The following MAP4K3 variants were observed in gnomAD, a reference collection of about 807,000 sequenced individuals.
MAP4K3 encodes the protein MAPK/ERK kinase kinase kinase 3.
A neutral mutation model predicts 143.5 loss-of-function variants in MAP4K3; 94 were observed. That is an observed-to-expected ratio of 0.65 (90% CI 0.55 to 0.78). MAP4K3 has a LOEUF of 0.78. Ranked by LOEUF, MAP4K3 falls within the 30% of genes least tolerant of loss-of-function variation. The pLI is 0.00. For synonymous variants in MAP4K3, 416 were observed against 347.2 expected (o/e 1.20, Z -2.20); for missense variants, 1,077 against 1,068.1 (o/e 1.01, Z -0.12).
chr2:39,277,202 C>T (rs941398826), intron 24 of MAP4K3, among the ~76,000 whole-genome samples: 3 of 152,206 alleles, frequency 2.0e-5, no homozygotes, highest in African/African-American at 4.8e-5. Context: ...CTTCTGCCTG[C>T]CTACCCAGCT....
chr2:39,345,403 C>T (rs937210662), intron 3 of MAP4K3, among the ~76,000 whole-genome samples: 1 of 151,940 alleles, frequency 6.6e-6, no homozygotes, highest in Admixed American at 6.6e-5. Context: ...GGTGACAGAC[C>T]GAGATCTGAA....
chr2:39,348,336 T>C (rs115753732), intron 3 of MAP4K3, among the ~76,000 whole-genome samples: 2 of 152,032 alleles, frequency 1.3e-5, no homozygotes, highest in African/African-American at 2.4e-5. Context: ...TTCCAGCTTA[T>C]AGGCAGAAAA....
At chr2:39,341,639 G>C (rs1040082240) in intron 4 of MAP4K3, among the ~76,000 whole-genome samples, 3 of 150,296 alleles carry the variant, frequency 2.0e-5, no homozygotes, top group South Asian at 2.1e-4. Context: ...CTGCGCGACA[G>C]AGCAAGACTC....
chr2:39,378,881 A>G lies in MAP4K3; in HGVS notation c.97-758T>C, dbSNP rs1666289878. Among the ~76,000 whole-genome samples, 6 of 151,620 alleles carry G rather than the reference A, an allele frequency of 4.0e-5. No individual in the cohort carries two copies. The South Asian group carries it at 1.2e-3, about 31-fold the overall frequency. On this transcript the variant is annotated intron_variant, in intron 1 of 33. Coordinates refer to ENST00000263881, the MANE Select transcript of MAP4K3 (RefSeq NM_003618.4). ...ATATTATGTGTATTTATGTGTACAT[A>G]TAACAATATATATTATATATAATAC...
intron 18 of MAP4K3, among the ~76,000 whole-genome samples, chr2:39,290,945 G>A (rs1369569268): frequency 6.6e-6 from 1 of 152,124 alleles, no homozygotes; most frequent in Non-Finnish European, 1.5e-5. Flanking sequence ...CAGGTGTGGT[G>A]GCGGGTGCCT....
At chr2:39,410,763 A>G (rs536236256) in intron 1 of MAP4K3, among the ~76,000 whole-genome samples, 4 of 152,220 alleles carry the variant, frequency 2.6e-5, no homozygotes, top group Admixed American at 6.5e-5. Context: ...TCAAAAATGT[A>G]ATTTTCACTA....
chr2:39,404,053 T>TG (rs1414106281), intron 1 of MAP4K3, among the ~76,000 whole-genome samples: 2 of 151,910 alleles, frequency 1.3e-5, no homozygotes, highest in Non-Finnish European at 2.9e-5. Context: ...AAAGAGCCCT[T>TG]GGGCCCTGAA....
intron 1 of MAP4K3, among the ~76,000 whole-genome samples, chr2:39,406,650 A>G (rs1558338644): frequency 6.6e-6 from 1 of 152,230 alleles, no homozygotes; most frequent in Non-Finnish European, 1.5e-5. Flanking sequence ...GACATGAAGT[A>G]GAAATCAAGA....
chr2:39,395,831 G>A (rs994619165), intron 1 of MAP4K3, among the ~76,000 whole-genome samples: 6 of 152,098 alleles, frequency 3.9e-5, no homozygotes, highest in Admixed American at 2.6e-4. Context: ...AGGAGGGGGA[G>A]AAACTGAGAT....
chr2:39,399,174 GTA>G (rs750523510), intron 1 of MAP4K3, among the ~76,000 whole-genome samples: 8 of 151,806 alleles, frequency 5.3e-5, no homozygotes, highest in Non-Finnish European at 1.0e-4. Context: ...CTTTGAAAAC[GTA>G]TGTTGTACTA....
intron 1 of MAP4K3, among the ~76,000 whole-genome samples, chr2:39,420,393 T>A (rs1667512620): frequency 6.6e-6 from 1 of 152,214 alleles, no homozygotes; most frequent in African/African-American, 2.4e-5. Flanking sequence ...ACTGAAGTCA[T>A]GAATCATGAA....
chr2:39,351,408 T>C (rs527728192), intron 3 of MAP4K3, among the ~76,000 whole-genome samples: 24 of 152,378 alleles, frequency 1.6e-4, no homozygotes, highest in Middle Eastern at 3.4e-3. Context: ...TTAGCACTTC[T>C]GTGCCTTACT....
At chr2:39,365,254 T>A (rs80099690) in intron 2 of MAP4K3, among the ~76,000 whole-genome samples, 1,646 of 152,230 alleles carry the variant, frequency 0.011, 8 homozygotes, top group Middle Eastern at 0.034. Context: ...GTTGGTCAGC[T>A]GAGCTTGAAT....
chr2:39,362,633 T>C (rs1027940089), intron 2 of MAP4K3, among the ~76,000 whole-genome samples: 3 of 152,220 alleles, frequency 2.0e-5, no homozygotes, highest in African/African-American at 7.2e-5. Context: ...CAATGCGATC[T>C]ACAAATTCAA....
chr2:39,292,554 G>C lies in MAP4K3; in HGVS notation c.1271+219C>G, dbSNP rs183688397. Among the ~76,000 whole-genome samples the C allele has an allele frequency of 9.6e-4, 146 of 152,270 alleles. 3 individuals carry two copies. The highest frequency in any genetic ancestry group is 8.2e-3 in the Admixed American group (126 of 15,296). The stretch of plus-strand genomic sequence containing the variant: ...CTTGATCTTGAACTTCCCACCTCCA[G>C]AACTGTGAGAAATAAATTTCTGTTG... On this transcript the variant is annotated intron_variant, in intron 18 of 33. Coordinates refer to ENST00000263881, the MANE Select transcript of MAP4K3 (RefSeq NM_003618.4).
intron 1 of MAP4K3, among the ~76,000 whole-genome samples, chr2:39,390,166 C>T (rs949616376): frequency 6.6e-6 from 1 of 152,152 alleles, no homozygotes; most frequent in African/African-American, 2.4e-5. Context: ...GGGACATTTA[C>T]ATTTTGGGTT....
At chr2:39,287,337 A>C (rs1470432782) in intron 20 of MAP4K3, among the ~76,000 whole-genome samples, 2 of 149,850 alleles carry the variant, frequency 1.3e-5, no homozygotes, top group African/African-American at 4.9e-5. Context: ...CTTATCACCC[A>C]GGCTAGAGTG....
At chr2:39,406,573 G>C in intron 1 of MAP4K3, among the ~76,000 whole-genome samples, 1 of 151,828 alleles carries the variant, frequency 6.6e-6, no homozygotes, top group South Asian at 2.1e-4. Flanking sequence ...AGAGGGGAAA[G>C]GCATAAAGTG....
At chr2:39,411,449 G>C (rs1223332800) in intron 1 of MAP4K3, among the ~76,000 whole-genome samples, 1 of 152,166 alleles carries the variant, frequency 6.6e-6, no homozygotes, top group Non-Finnish European at 1.5e-5. Flanking sequence ...GTCTTGTTTA[G>C]TTATTAAATA....
Sources: allele counts gnomAD v4.1 joint callset (sites outside exome capture counted in the v4.1 genomes callset), GRCh38; gene constraint gnomAD v4.1.1; transcripts MANE v1.5; gene names NCBI Gene and HGNC (gene_info 2026-07-23, HGNC 2026-07-21).